The following SAMMSON variants were observed in gnomAD, a reference collection of about 807,000 sequenced individuals.
SAMMSON encodes survival associated mitochondrial melanoma specific oncogenic non-coding RNA.
intron 7 of SAMMSON, among the ~76,000 whole-genome samples, chr3:70,292,837 T>G (rs1702251639): frequency 6.6e-6 from 1 of 151,948 alleles, no homozygotes; most frequent in Non-Finnish European, 1.5e-5. Flanking sequence ...GTTCAAAAAT[T>G]TTTCTTTGAA....
At chr3:70,367,042 T>C (rs1051152495) in intron 9 of SAMMSON, among the ~76,000 whole-genome samples, 1 of 151,752 alleles carries the variant, frequency 6.6e-6, no homozygotes, top group Non-Finnish European at 1.5e-5. Context: ...TGTATGGATA[T>C]ATAATTGTAC....
chr3:70,358,678 GT>G (rs561438838), intron 9 of SAMMSON, among the ~76,000 whole-genome samples: 3,366 of 150,892 alleles, frequency 0.022, 44 homozygotes, highest in Middle Eastern at 0.052. Flanking sequence ...TATATCTTCT[GT>G]TTTTTTTTCT....
chr3:70,176,656 A>G (rs537479090), intron 4 of SAMMSON, among the ~76,000 whole-genome samples: 10 of 152,302 alleles, frequency 6.6e-5, no homozygotes, highest in African/African-American at 2.2e-4. Context: ...ACAAACTCTG[A>G]TCCCTTGCAA....
chr3:70,377,577 T>C (rs1162202193), intron 9 of SAMMSON, among the ~76,000 whole-genome samples: 2 of 152,010 alleles, frequency 1.3e-5, no homozygotes, highest in Admixed American at 1.3e-4. Flanking sequence ...AACTTCCATG[T>C]AAAGGAGAGT....
At chr3:70,290,587 C>A (rs561515777) in intron 6 of SAMMSON, among the ~76,000 whole-genome samples, 137 of 152,346 alleles carry the variant, frequency 9.0e-4, no homozygotes, top group African/African-American at 3.0e-3. Flanking sequence ...GTGGGCTCCA[C>A]CCAGTTCGAG....
At chr3:70,360,436 T>C (rs943566193) in intron 9 of SAMMSON, among the ~76,000 whole-genome samples, 3 of 152,138 alleles carry the variant, frequency 2.0e-5, no homozygotes, top group Admixed American at 6.6e-5. Context: ...ACTTTTCCTA[T>C]TGTAAAAATG....
At chr3:70,319,650 T>C (rs1205234035) in intron 7 of SAMMSON, among the ~76,000 whole-genome samples, 2 of 152,082 alleles carry the variant, frequency 1.3e-5, no homozygotes, top group Non-Finnish European at 2.9e-5. Context: ...ATGTAAGTCT[T>C]TTTTATGATA....
intron 4 of SAMMSON, among the ~76,000 whole-genome samples, chr3:70,175,727 G>A (rs1349476182): frequency 6.6e-6 from 1 of 152,022 alleles, no homozygotes; most frequent in Non-Finnish European, 1.5e-5. Flanking sequence ...TTCCTGATAA[G>A]GTGATAATGG....
intron 4 of SAMMSON, among the ~76,000 whole-genome samples, chr3:70,123,338 C>T (rs2067442869): frequency 6.6e-6 from 1 of 152,226 alleles, no homozygotes; most frequent in Non-Finnish European, 1.5e-5. Context: ...GTGATCTTGG[C>T]TCACTGCAAC....
intron 4 of SAMMSON, among the ~76,000 whole-genome samples, chr3:70,189,304 C>G (rs1701114167): frequency 1.3e-5 from 2 of 152,128 alleles, no homozygotes; most frequent in African/African-American, 4.8e-5. Context: ...CTCCCTCATG[C>G]AGAAAGCCCC....
chr3:70,259,438 T>A (rs1356143089), intron 6 of SAMMSON, among the ~76,000 whole-genome samples: 1 of 151,070 alleles, frequency 6.6e-6, no homozygotes, highest in Non-Finnish European at 1.5e-5. Flanking sequence ...AGAAAGAAAG[T>A]AAGCACCAAA....
intron 6 of SAMMSON, among the ~76,000 whole-genome samples, chr3:70,254,233 G>T (rs555692547): frequency 1.8e-3 from 273 of 152,124 alleles, no homozygotes; most frequent in South Asian, 3.9e-3. Flanking sequence ...GTCTGCATTT[G>T]AATTCTGTTA....
At chr3:70,179,460 C>T (rs933550090) in intron 4 of SAMMSON, among the ~76,000 whole-genome samples, 2 of 152,310 alleles carry the variant, frequency 1.3e-5, no homozygotes, top group East Asian at 1.9e-4. Context: ...AGAAGCCCAG[C>T]GCCCTGCTCC....
intron 2 of SAMMSON, among the ~76,000 whole-genome samples, chr3:70,427,859 T>G (rs1701384256): frequency 6.6e-6 from 1 of 152,172 alleles, no homozygotes; most frequent in African/African-American, 2.4e-5. Context: ...AAGGAAATCT[T>G]TATCAACTGA....
At chr3:70,393,082 T>G (rs570874987), downstream of SAMMSON, among the ~76,000 whole-genome samples, 2 of 152,356 alleles carry the variant, frequency 1.3e-5, no homozygotes, top group East Asian at 3.9e-4. Flanking sequence ...AGAATGTTTT[T>G]GATTAAAAGC....
chr3:70,290,764 G>T (rs1328006216), intron 6 of SAMMSON, among the ~76,000 whole-genome samples: 3 of 152,156 alleles, frequency 2.0e-5, no homozygotes, highest in Non-Finnish European at 1.5e-5. Flanking sequence ...ATCTCGTGGT[G>T]CGCCGTTTTT....
At chr3:70,396,359 T>G (rs2106760202) in intron 2 of SAMMSON, among the ~76,000 whole-genome samples, 1 of 152,316 alleles carries the variant, frequency 6.6e-6, no homozygotes, top group Admixed American at 6.5e-5. Flanking sequence ...TAATCAATTG[T>G]AAAGCACTCA....
intron 7 of SAMMSON, among the ~76,000 whole-genome samples, chr3:70,323,476 C>A (rs978020221): frequency 2.0e-5 from 3 of 152,244 alleles, no homozygotes; most frequent in African/African-American, 7.2e-5. Flanking sequence ...GCAATGGTTG[C>A]CTGATCCATG....
intron 2 of SAMMSON, among the ~76,000 whole-genome samples, chr3:70,416,721 G>A (rs1295911924): frequency 1.3e-5 from 2 of 151,832 alleles, no homozygotes; most frequent in African/African-American, 4.8e-5. Context: ...ATCTTAAACT[G>A]TTTAAAGGGA....
Sources: gnomAD v4.1 joint callset for allele counts (sites outside exome capture counted in the v4.1 genomes callset) on GRCh38, gnomAD v4.1.1 for gene constraint, MANE v1.5 for transcripts, NCBI Gene and HGNC (gene_info 2026-07-23, HGNC 2026-07-21) for gene names.